Variants in DPYD observed in about 807,000 individuals in gnomAD.
The protein encoded by DPYD is dihydropyrimidine dehydrogenase [NADP(+)].
In DPYD, 109 loss-of-function variants were observed where a neutral mutation model predicts 116.2. The observed-to-expected ratio is 0.94, with a 90% CI of 0.80 to 1.10. DPYD has a LOEUF of 1.10. Among genes scored for constraint, DPYD ranks in the 50% least tolerant of loss-of-function variants. DPYD has a pLI of 0.00. For missense variants in DPYD, 1,302 were observed against 1,254.5 expected (o/e 1.04, Z -0.57); for synonymous variants, 440 against 432.0 (o/e 1.02, Z -0.23).
chr1:97,461,188 C>T (rs979485624), intron 13 of DPYD, among the ~76,000 whole-genome samples: 2 of 152,142 alleles, frequency 1.3e-5, no homozygotes, highest in Admixed American at 6.6e-5. Context: ...CTGCCACCTC[C>T]CCTCAGAAGC....
chr1:97,525,839 G>GTAAGTAATT, intron 12 of DPYD, among the ~76,000 whole-genome samples: 1 of 148,508 alleles, frequency 6.7e-6, no homozygotes, highest in Non-Finnish European at 1.5e-5. Context: ...AGTGGGAAGA[G>GTAAGTAATT]TAAGTAATTG....
At chr1:97,207,672 CAT>C (rs1257440372) in intron 19 of DPYD, among the ~76,000 whole-genome samples, 1 of 152,106 alleles carries the variant, frequency 6.6e-6, no homozygotes, top group Non-Finnish European at 1.5e-5. Context: ...AATTTTCACA[CAT>C]ATATATTAAA....
chr1:97,601,252 AGCAT>A (rs973973274), intron 8 of DPYD, among the ~76,000 whole-genome samples: 47 of 152,184 alleles, frequency 3.1e-4, no homozygotes, highest in African/African-American at 1.1e-3. Context: ...GTGCACATAA[AGCAT>A]GCTGGTAAAT....
At chr1:97,341,607 T>A (rs567880438) in intron 16 of DPYD, among the ~76,000 whole-genome samples, 2 of 152,274 alleles carry the variant, frequency 1.3e-5, no homozygotes, top group Admixed American at 6.5e-5. Context: ...AACTTTTTAG[T>A]TTTACCTTAC....
In DPYD at chr1:97,691,781, T is replaced by G. The variant is rs1286363687; in HGVS notation, c.698A>C (p.Gln233Pro). 1 of 1,613,652 alleles carries G rather than the reference T, an allele frequency of 6.2e-7. No homozygotes were observed. The highest frequency in any genetic ancestry group is 1.7e-5 in the Admixed American group (1 of 59,996). Residue 233 changes from glutamine to proline, a missense_variant, in exon 7 of 23, where the codon CAG (glutamine) becomes CCG (proline). Coordinates refer to ENST00000370192, the MANE Select transcript of DPYD (RefSeq NM_000110.4). ...VGGLSTSEIP[Q>P]FRLPYDVVNF... ...CACTACATCATACGGCAGCCGGAAC[T>G]GAGGAATTTCAGAAGTACTGAAAAG... is the stretch of plus-strand genomic sequence containing the variant.
chr1:97,715,402 C>A (rs1459434434), intron 5 of DPYD, among the ~76,000 whole-genome samples: 1 of 152,108 alleles, frequency 6.6e-6, no homozygotes, highest in Non-Finnish European at 1.5e-5. Flanking sequence ...ACATTTACTA[C>A]ATTATTTCAA....
In DPYD at chr1:97,559,811, C is replaced by A. The variant is rs536645590; in HGVS notation, c.1340-10067G>T. On this transcript the variant is annotated intron_variant, in intron 11 of 22. Coordinates refer to ENST00000370192, the MANE Select transcript of DPYD (RefSeq NM_000110.4). The stretch of plus-strand genomic sequence containing the variant: ...TTATCATGCACTCAAAAAATATCAA[C>A]ATTGGCAAAGGCTATATCTAATGGG... Among the ~76,000 whole-genome samples, 68 of 152,248 alleles carry A rather than the reference C, an allele frequency of 4.5e-4. No individual in the cohort carries two copies. In the Middle Eastern group the frequency reaches 0.014, roughly 30 times the overall value.
intron 22 of DPYD, among the ~76,000 whole-genome samples, chr1:97,080,728 C>T (rs984539618): frequency 1.6e-4 from 25 of 152,212 alleles, no homozygotes; most frequent in Admixed American, 1.4e-3. Context: ...TAGAAATATA[C>T]TTTGAAAATC....
chr1:97,400,906 G>A (rs1277893667), intron 14 of DPYD, among the ~76,000 whole-genome samples: 1 of 152,002 alleles, frequency 6.6e-6, no homozygotes, highest in African/African-American at 2.4e-5. Flanking sequence ...CTTCTAACGT[G>A]ATCAAATCAT....
At chr1:97,759,206 C>T (rs373285598) in intron 3 of DPYD, among the ~76,000 whole-genome samples, 1 of 152,148 alleles carries the variant, frequency 6.6e-6, no homozygotes, top group Non-Finnish European at 1.5e-5. Context: ...CAAAGCTTTG[C>T]TGCATTGGTG....
At chr1:97,275,272 A>C (rs1409775977) in intron 18 of DPYD, among the ~76,000 whole-genome samples, 1 of 152,176 alleles carries the variant, frequency 6.6e-6, no homozygotes, top group Non-Finnish European at 1.5e-5. Flanking sequence ...TTAAAATGTT[A>C]TCTCTCCCAC....
chr1:97,084,554 C>T (rs1176454563), intron 21 of DPYD, among the ~76,000 whole-genome samples: 1 of 151,842 alleles, frequency 6.6e-6, no homozygotes, highest in Non-Finnish European at 1.5e-5. Context: ...ACAACAGATA[C>T]CTTTTGAGTT....
At chr1:97,511,115 C>T (rs745568976) in intron 13 of DPYD, among the ~76,000 whole-genome samples, 6 of 151,856 alleles carry the variant, frequency 4.0e-5, no homozygotes, top group African/African-American at 1.4e-4. Context: ...ACTGATCATG[C>T]GTGCTGAGCC....
chr1:97,083,249 C>G (rs754749993), intron 21 of DPYD, among the ~76,000 whole-genome samples: 8 of 152,058 alleles, frequency 5.3e-5, no homozygotes, highest in Non-Finnish European at 1.0e-4. Flanking sequence ...GTAGCAATGT[C>G]AAATTAGCAT....
Position 97,134,040 on chromosome 1 carries a change from T to A in DPYD, c.2623-35408A>T, listed in dbSNP as rs1353914354. 2.7e-3 allele frequency among the ~76,000 whole-genome samples: 147 copies of A among 54,576 alleles called. 10 individuals carry two copies. Among genetic ancestry groups the A allele is most frequent in the African/African-American group, 0.012 (114 of 9,620 alleles). 35.8% of individuals were successfully genotyped at this position (54,576 alleles called of 152,430 possible). ...ATATATATATATATATATATATATA[T>A]ATATATATATATATATATATATATA... On this transcript the variant is annotated intron_variant, in intron 20 of 22. Transcript: ENST00000370192.
At chr1:97,246,362 T>C (rs1662719844) in intron 18 of DPYD, among the ~76,000 whole-genome samples, 1 of 152,002 alleles carries the variant, frequency 6.6e-6, no homozygotes, top group South Asian at 2.1e-4. Flanking sequence ...ATGCCCAATT[T>C]TGTGGGTCAG....
chr1:97,696,689 T>C (rs957199781), intron 6 of DPYD, among the ~76,000 whole-genome samples: 1 of 152,304 alleles, frequency 6.6e-6, no homozygotes, highest in East Asian at 1.9e-4. Context: ...ATCTTTCTTC[T>C]ATTTTCATGT....
intron 20 of DPYD, among the ~76,000 whole-genome samples, chr1:97,166,130 A>G (rs1415595151): frequency 6.6e-6 from 1 of 152,178 alleles, no homozygotes. Flanking sequence ...ACGTGTCCAC[A>G]TAAGGTATGT....
At chr1:97,080,174 T>C (rs1361561391) in intron 22 of DPYD, among the ~76,000 whole-genome samples, 1 of 151,946 alleles carries the variant, frequency 6.6e-6, no homozygotes, top group East Asian at 1.9e-4. Context: ...TACAAGAGTT[T>C]TACTCAGACT....
Sources: allele counts gnomAD v4.1 joint callset (sites outside exome capture counted in the v4.1 genomes callset), GRCh38; gene constraint gnomAD v4.1.1; transcripts MANE v1.5; gene names NCBI Gene and HGNC (gene_info 2026-07-23, HGNC 2026-07-21).